FAM135B: variants seen among roughly 807,000 people sequenced by gnomAD.
FAM135B encodes the protein protein FAM135B.
Under a neutral mutation model 127.7 loss-of-function variants are expected in FAM135B, and 43 were observed. The ratio of observed to expected loss-of-function variants is 0.34; its 90% CI spans 0.26 to 0.43. The LOEUF (loss-of-function observed/expected upper bound fraction) is 0.43. FAM135B is among the 20% of genes least tolerant of loss of function. The pLI, the probability that FAM135B is intolerant of heterozygous loss-of-function variation, is 1.00. For synonymous variants in FAM135B, 670 were observed against 665.1 expected, an observed-to-expected ratio of 1.01 and a Z score of -0.11; for missense variants, 1,558 against 1,725.6, an observed-to-expected ratio of 0.90 and a Z score of 1.72.
chr8:138,198,704 G>A (rs1816861573), intron 7 of FAM135B, among the ~76,000 whole-genome samples: 1 of 152,222 alleles, frequency 6.6e-6, no homozygotes, highest in Non-Finnish European at 1.5e-5. Context: ...TTTGTCCAAT[G>A]AGGAAAAGAC....
At chr8:138,302,681 C>T (rs1305787193) in intron 3 of FAM135B, among the ~76,000 whole-genome samples, 2 of 152,216 alleles carry the variant, frequency 1.3e-5, no homozygotes, top group Admixed American at 6.5e-5. Context: ...CAAGGAGGCC[C>T]TCCTGAGCCC....
At chr8:138,335,295 G>C (rs187341839) in intron 2 of FAM135B, among the ~76,000 whole-genome samples, 5 of 152,238 alleles carry the variant, frequency 3.3e-5, no homozygotes, top group Non-Finnish European at 4.4e-5. Context: ...TACTTAAAAC[G>C]ATTCCTCATT....
chr8:138,244,281 C>T (rs1190282989), intron 6 of FAM135B, among the ~76,000 whole-genome samples: 1 of 145,686 alleles, frequency 6.9e-6, no homozygotes, highest in Non-Finnish European at 1.5e-5. Context: ...TGCAGGAGAG[C>T]AATTTATGAT....
At chr8:138,372,105 CT>C (rs2131241717) in intron 1 of FAM135B, among the ~76,000 whole-genome samples, 1 of 152,336 alleles carries the variant, frequency 6.6e-6, no homozygotes, top group Admixed American at 6.5e-5. Context: ...ATGAGGAGGC[CT>C]TTGCCATGCC....
chr8:138,325,602 G>A (rs1206255115), intron 2 of FAM135B, among the ~76,000 whole-genome samples: 1 of 152,134 alleles, frequency 6.6e-6, no homozygotes, highest in Non-Finnish European at 1.5e-5. Flanking sequence ...ATTGAATAAA[G>A]CTAGCTAATT....
chr8:138,367,483 G>A, intron 2 of FAM135B: 1 of 458,524 alleles, frequency 2.2e-6, no homozygotes, highest in Non-Finnish European at 4.4e-6. Context: ...ATCAGTTTTT[G>A]AAAGATCTAG....
intron 6 of FAM135B, among the ~76,000 whole-genome samples, chr8:138,246,266 G>A (rs868331795): frequency 4.6e-5 from 7 of 152,300 alleles, no homozygotes; most frequent in South Asian, 4.1e-4. Flanking sequence ...AAGGAAATGG[G>A]GAAAATGTCT....
intron 1 of FAM135B, among the ~76,000 whole-genome samples, chr8:138,474,656 T>C (rs867139959): frequency 2.6e-5 from 4 of 152,206 alleles, no homozygotes; most frequent in African/African-American, 7.2e-5. Context: ...GGGTCTTTGC[T>C]CAACCAACGA....
intron 1 of FAM135B, among the ~76,000 whole-genome samples, chr8:138,426,806 T>A (rs1338057738): frequency 6.6e-6 from 1 of 151,966 alleles, no homozygotes; most frequent in Non-Finnish European, 1.5e-5. Flanking sequence ...ATCTACCTTT[T>A]AAAATATTTA....
At chr8:138,137,981 A>G (rs1268298807) in intron 18 of FAM135B, among the ~76,000 whole-genome samples, 2 of 152,126 alleles carry the variant, frequency 1.3e-5, no homozygotes, top group Non-Finnish European at 2.9e-5. Flanking sequence ...TGCCCTACTG[A>G]AGTGTGGGTC....
rs1181112951 is a variant in FAM135B, at chr8:138,152,533, G to A, written c.1942C>T (p.Leu648=). Residue 648 remains leucine, a synonymous_variant, in exon 13 of 20, where the codon CTG becomes TTG. Transcript: ENST00000395297. ...SEPCDPLSST[L]REPLDIRSSL... is the part of the protein sequence containing the mutation. The stretch of plus-strand genomic sequence containing the variant: ...GACCTAATATCTAAGGGCTCCCTCA[G>A]GGTAGAACTTAGTGGATCACAGGGC... 6.2e-7 allele frequency: 1 copy of A among 1,614,192 alleles called. No individual in the cohort carries two copies. Among genetic ancestry groups the A allele is most frequent in the Admixed American group, 1.7e-5 (1 of 60,024 alleles).
At chr8:138,409,824 G>A (rs1462062587) in intron 1 of FAM135B, among the ~76,000 whole-genome samples, 3 of 144,564 alleles carry the variant, frequency 2.1e-5, no homozygotes, top group East Asian at 2.0e-4. Flanking sequence ...GCAGTGAACC[G>A]AGATCGCGCC....
At chr8:138,204,921 G>C (rs1231794010) in intron 7 of FAM135B, among the ~76,000 whole-genome samples, 1 of 152,044 alleles carries the variant, frequency 6.6e-6, no homozygotes, top group African/African-American at 2.4e-5. Flanking sequence ...TATTCCAGAG[G>C]TTTATTGAAA....
intron 7 of FAM135B, among the ~76,000 whole-genome samples, chr8:138,218,967 A>C (rs1282418215): frequency 1.3e-5 from 2 of 152,210 alleles, no homozygotes; most frequent in Non-Finnish European, 2.9e-5. Context: ...CCAACAATAA[A>C]ATTAGGTTGA....
rs545268511 is a variant in FAM135B, at chr8:138,141,691, G to T, written c.3639-342C>A. Among the ~76,000 whole-genome samples, 4 of 152,226 alleles carry T rather than the reference G, an allele frequency of 2.6e-5. No individual in the cohort carries two copies. Among genetic ancestry groups the T allele is most frequent in the East Asian group, 1.9e-4 (1 of 5,152 alleles). ...CACCTCTGAGCATTGAAATCTCCTG[G>T]TCATTCACAGGATCAAGTCCCAAGT... On this transcript the variant is annotated intron_variant, in intron 16 of 19. Transcript: ENST00000395297. This position sits in a 1 kb window ranked among gnomAD's most constrained non-coding sequence, Gnocchi z 4.7.
chr8:138,364,337 T>A (rs939772477), intron 2 of FAM135B, among the ~76,000 whole-genome samples: 23 of 152,176 alleles, frequency 1.5e-4, no homozygotes, highest in African/African-American at 5.3e-4. Flanking sequence ...TCTAGGAGGC[T>A]GGTGGTTAAC....
rs1586860533 is a variant in FAM135B at position 138,241,875 on chromosome 8, A to G, written c.669+1067T>C. ...AATAAAGCAGATAGCCCTCTCCAAC[A>G]TGAATAGGCCTTATCCAATCCATTG... On this transcript the variant is annotated intron_variant, in intron 7 of 19. Transcript: ENST00000395297. This position sits in a 1 kb window ranked among gnomAD's most constrained non-coding sequence, Gnocchi z 4.8. Among the ~76,000 whole-genome samples the G allele has an allele frequency of 6.6e-6, 1 of 152,316 alleles. No homozygotes were observed. The highest frequency in any genetic ancestry group is 2.1e-4 in the South Asian group (1 of 4,822).
chr8:138,446,004 C>A (rs1836134749), intron 1 of FAM135B, among the ~76,000 whole-genome samples: 1 of 152,146 alleles, frequency 6.6e-6, no homozygotes, highest in Admixed American at 6.5e-5. Context: ...TTCTTATACA[C>A]CAATAATGGA....
intron 12 of FAM135B, among the ~76,000 whole-genome samples, chr8:138,153,935 G>T (rs1818435415): frequency 6.6e-6 from 1 of 152,180 alleles, no homozygotes; most frequent in African/African-American, 2.4e-5. Context: ...TTTGAAGAGA[G>T]TAGTGGTTCT....
Sources: allele counts gnomAD v4.1 joint callset (sites outside exome capture counted in the v4.1 genomes callset), GRCh38; gene constraint gnomAD v4.1.1; non-coding constraint Gnocchi (gnomAD v3.1); transcripts MANE v1.5; gene names NCBI Gene and HGNC (gene_info 2026-07-23, HGNC 2026-07-21).